The following SHANK2 variants were observed in gnomAD, a reference collection of about 807,000 sequenced individuals.
The protein encoded by SHANK2 is SH3 and multiple ankyrin repeat domains 2, also known as SH3 and multiple ankyrin repeat domains protein 2.
Under a neutral mutation model 133.7 loss-of-function variants are expected in SHANK2, and 43 were observed. The observed-to-expected ratio is 0.32, with a 90% confidence interval of 0.25 to 0.41. The LOEUF is 0.41. Among genes scored for constraint, SHANK2 ranks in the 10% least tolerant of loss-of-function variants. The probability of loss-of-function intolerance (pLI) is 1.00; values close to 1 mark genes in which losing one functional copy is unlikely to be tolerated. For synonymous variants in SHANK2, 1,017 were observed against 952.8 expected, an observed-to-expected ratio of 1.07 and a Z score of -1.24; for missense variants, 1,994 against 2,235.8, an observed-to-expected ratio of 0.89 and a Z score of 2.18.
At chr11:70,645,409 C>T (rs2061246673) in intron 17 of SHANK2, among the ~76,000 whole-genome samples, 1 of 151,926 alleles carries the variant, frequency 6.6e-6, no homozygotes, top group South Asian at 2.1e-4. Context: ...CCAGGAACAA[C>T]AACAACAACA....
At chr11:70,700,255 T>C (rs868959269) in intron 14 of SHANK2, among the ~76,000 whole-genome samples, 1 of 152,184 alleles carries the variant, frequency 6.6e-6, no homozygotes, top group Non-Finnish European at 1.5e-5. Context: ...CTGACACTTA[T>C]TGAGCACTTA....
intron 15 of SHANK2, among the ~76,000 whole-genome samples, chr11:70,663,938 A>G (rs1944631880): frequency 6.6e-6 from 1 of 152,090 alleles, no homozygotes; most frequent in Non-Finnish European, 1.5e-5. Flanking sequence ...GTAAGAACAA[A>G]CCTACAGGCC....
At chr11:70,602,022 T>C (rs1591635398) in intron 17 of SHANK2, among the ~76,000 whole-genome samples, 2 of 152,084 alleles carry the variant, frequency 1.3e-5, no homozygotes, top group South Asian at 4.2e-4. Context: ...TGGCAGGAGG[T>C]GTCTGGGTCT....
At chr11:71,245,732 G>A (rs1285487195) in intron 1 of SHANK2, among the ~76,000 whole-genome samples, 1 of 152,238 alleles carries the variant, frequency 6.6e-6, no homozygotes, top group African/African-American at 2.4e-5. Context: ...ACCAAGACGA[G>A]GGGCAGTAGC....
intron 17 of SHANK2, among the ~76,000 whole-genome samples, chr11:70,651,628 A>G (rs1555010144): frequency 6.6e-6 from 1 of 152,214 alleles, no homozygotes; most frequent in East Asian, 1.9e-4. Context: ...ACCCTTGGTC[A>G]ATGGATCCTG....
chr11:70,728,481 C>T (rs531216122), intron 14 of SHANK2, among the ~76,000 whole-genome samples: 136 of 152,214 alleles, frequency 8.9e-4, no homozygotes, highest in Non-Finnish European at 1.1e-3. Flanking sequence ...GCGTCCTGGG[C>T]GGAAGCAAAG....
At chr11:70,913,815 G>A (rs1950229148) in intron 10 of SHANK2, among the ~76,000 whole-genome samples, 1 of 152,156 alleles carries the variant, frequency 6.6e-6, no homozygotes, top group Admixed American at 6.5e-5. Context: ...TTGCCGGATG[G>A]CCAGGCTCTC....
intron 17 of SHANK2, among the ~76,000 whole-genome samples, chr11:70,523,547 G>A (rs1376039791): frequency 2.0e-5 from 3 of 152,142 alleles, no homozygotes; most frequent in Admixed American, 6.5e-5. Context: ...GAGGATCCCC[G>A]GTGCTGCCCC....
intron 11 of SHANK2, among the ~76,000 whole-genome samples, chr11:70,840,185 G>A (rs1948881264): frequency 6.6e-6 from 1 of 152,208 alleles, no homozygotes; most frequent in Non-Finnish European, 1.5e-5. Flanking sequence ...GCCTCACTGT[G>A]ATCGCCACCT....
At chr11:70,557,607 C>G (rs1276361233) in intron 17 of SHANK2, among the ~76,000 whole-genome samples, 1 of 152,044 alleles carries the variant, frequency 6.6e-6, no homozygotes, top group Non-Finnish European at 1.5e-5. Context: ...GGGGCCAGGG[C>G]AAGAGCTGAC....
Position 70,820,880 on chromosome 11 carries a change from GAC to G in SHANK2, c.1175-200_1175-199del, listed in dbSNP as rs1304612501. On this transcript the variant is annotated intron_variant, in intron 11 of 25. Coordinates refer to ENST00000601538, the MANE Select transcript of SHANK2 (RefSeq NM_012309.5). Reference sequence around the variant, plus strand: ...CTCACCCCTGACATGGAAGCAGAGAGACAGGCTGGGGACGGAGAACATCTCCA... The same window carrying G: ...CTCACCCCTGACATGGAAGCAGAGAGAGGCTGGGGACGGAGAACATCTCCA... 2.6e-5 allele frequency among the ~76,000 whole-genome samples: 4 copies of G among 152,324 alleles called. No homozygotes were observed. The East Asian group carries it at 7.7e-4, about 29-fold the overall frequency.
At chr11:71,081,187 T>C (rs886064457) in intron 8 of SHANK2, among the ~76,000 whole-genome samples, 3 of 152,088 alleles carry the variant, frequency 2.0e-5, no homozygotes, top group Admixed American at 6.5e-5. Context: ...AAAGGCGGTG[T>C]CTGCAAGCCA....
intron 25 of SHANK2, among the ~76,000 whole-genome samples, chr11:70,482,465 C>G (rs2058747779): frequency 1.3e-5 from 2 of 152,342 alleles, no homozygotes; most frequent in Admixed American, 1.3e-4. Flanking sequence ...GTCCCTGGCT[C>G]CCACAAGGTG....
chr11:70,656,145 T>C (rs1214018880), intron 17 of SHANK2, among the ~76,000 whole-genome samples: 5 of 152,112 alleles, frequency 3.3e-5, no homozygotes, highest in African/African-American at 1.2e-4. Flanking sequence ...TCCAGCCCCA[T>C]GTTGTGGGAG....
At chr11:70,885,557 T>C (rs1245294586) in intron 11 of SHANK2, among the ~76,000 whole-genome samples, 1 of 152,016 alleles carries the variant, frequency 6.6e-6, no homozygotes, top group Non-Finnish European at 1.5e-5. Flanking sequence ...CGGGCTCCAG[T>C]GAGTAAAGGG....
At chr11:70,846,438 T>A (rs570166917) in intron 11 of SHANK2, among the ~76,000 whole-genome samples, 1 of 152,056 alleles carries the variant, frequency 6.6e-6, no homozygotes, top group Admixed American at 6.5e-5. Flanking sequence ...TAATTTTTAG[T>A]TTTTCATTTT....
intron 2 of SHANK2, among the ~76,000 whole-genome samples, chr11:71,222,842 G>C (rs567959580): frequency 6.6e-6 from 1 of 152,348 alleles, no homozygotes; most frequent in South Asian, 2.1e-4. Context: ...GACACCTTTC[G>C]AGGAGGAACT....
At chr11:70,733,489 G>T (rs1481196872) in intron 14 of SHANK2, among the ~76,000 whole-genome samples, 1 of 152,196 alleles carries the variant, frequency 6.6e-6, no homozygotes, top group Non-Finnish European at 1.5e-5. Context: ...TGACTGAGCT[G>T]GGATTGGAAC....
Position 71,113,292 on chromosome 11 carries a change from C to T in SHANK2, c.483+1G>A, listed in dbSNP as rs1555099758. 2 of 1,551,706 alleles carry T rather than the reference C, an allele frequency of 1.3e-6. No homozygotes were observed. The highest frequency in any genetic ancestry group is 1.7e-6 in the Non-Finnish European group (2 of 1,146,948). ...TAAATAACAGCCCGTTCCCTGCATACCTTCGTGTGGAGCTTGGCCAACTGT... is the reference window on the plus strand; with the variant it reads ...TAAATAACAGCCCGTTCCCTGCATATCTTCGTGTGGAGCTTGGCCAACTGT... On this transcript the variant is annotated splice_donor_variant, in intron 5 of 25. Transcript: ENST00000601538. LOFTEE classifies it high-confidence loss of function.
Sources: allele counts gnomAD v4.1 joint callset (sites outside exome capture counted in the v4.1 genomes callset), GRCh38; gene constraint gnomAD v4.1.1; transcripts MANE v1.5; gene names NCBI Gene and HGNC (gene_info 2026-07-23, HGNC 2026-07-21).